The following TTC3 variants were observed in gnomAD, a reference collection of about 807,000 sequenced individuals.
The protein encoded by TTC3 is E3 ubiquitin-protein ligase TTC3.
TTC3 carries 180 observed loss-of-function variants against 249.6 expected under a neutral mutation model. The ratio of observed to expected loss-of-function variants is 0.72; its 90% CI spans 0.64 to 0.82. TTC3 has a LOEUF of 0.82. TTC3 is among the 40% of genes least tolerant of loss of function. The probability of loss-of-function intolerance (pLI) is 0.00; values close to 1 mark genes in which losing one functional copy is unlikely to be tolerated. For missense variants in TTC3, 2,061 were observed against 2,398.4 expected (o/e 0.86, Z 2.94); for synonymous variants, 717 against 805.0 (o/e 0.89, Z 1.85).
At chr21:37,194,660 T>TA (rs2084646098) in intron 41 of TTC3, 1 of 152,154 alleles carries the variant, frequency 6.6e-6, no homozygotes, top group Non-Finnish European at 1.5e-5. Context: ...TCAGAACAAA[T>TA]CTACCCATGA....
intron 5 of TTC3, among the ~76,000 whole-genome samples, chr21:37,089,829 C>T (rs2073008259): frequency 6.6e-6 from 1 of 151,946 alleles, no homozygotes; most frequent in Admixed American, 6.6e-5. Context: ...ACTAAAAATA[C>T]AAAAATTAGC....
chr21:37,108,417 G>A, exon 11 of TTC3: 3 of 1,612,068 alleles, frequency 1.9e-6, no homozygotes, highest in South Asian at 1.1e-5. Context: ...TGGAAAGAGA[G>A]CCACTATTCT....
chr21:37,087,036 G>A (rs934964776), intron 1 of TTC3: 7 of 550,120 alleles, frequency 1.3e-5, no homozygotes, highest in Admixed American at 3.4e-5. Flanking sequence ...TGAACCTGAG[G>A]AAAGGAAGAA....
intron 39 of TTC3, among the ~76,000 whole-genome samples, chr21:37,188,978 G>C (rs1157918457): frequency 6.6e-6 from 1 of 152,182 alleles, no homozygotes; most frequent in South Asian, 2.1e-4. Context: ...TGCTGTGCTG[G>C]AACAGTGGAG....
At chr21:37,090,107 G>A in intron 5 of TTC3, 126 bp from the exon 6 acceptor site, 1 of 581,788 alleles carries the variant, frequency 1.7e-6, no homozygotes, top group Non-Finnish European at 2.9e-6. Flanking sequence ...TCATGTAAAT[G>A]CTTGTCGGAA....
chr21:37,119,802 A>C (rs1391049023), intron 11 of TTC3, among the ~76,000 whole-genome samples: 1 of 152,062 alleles, frequency 6.6e-6, no homozygotes, highest in Admixed American at 6.5e-5. Flanking sequence ...AGTCCTTATT[A>C]CTTCATTTTG....
intron 1 of TTC3, among the ~76,000 whole-genome samples, chr21:37,073,850 G>A (rs1569305543): frequency 6.6e-6 from 1 of 152,216 alleles, no homozygotes; most frequent in South Asian, 2.1e-4. Context: ...TGTGGGCTGC[G>A]CGTCCCCTAG....
intron 1 of TTC3, chr21:37,084,152 C>T (rs2072081875): frequency 6.6e-6 from 1 of 151,902 alleles, no homozygotes; most frequent in African/African-American, 2.4e-5. Flanking sequence ...TAAATTCACC[C>T]AAGGAGAGAG....
At chr21:37,082,726 A>T (rs201582558) in intron 1 of TTC3, 10,793 of 984,150 alleles carry the variant, frequency 0.011, 74 homozygotes, top group East Asian at 0.028. Flanking sequence ...TTTTTTTTTT[A>T]ATCTAGGATA....
chr21:37,094,639 A>G (rs561909790), intron 8 of TTC3, among the ~76,000 whole-genome samples: 52 of 152,316 alleles, frequency 3.4e-4, no homozygotes, highest in Admixed American at 5.9e-4. Context: ...GGCTTTTTGA[A>G]TAACATCACA....
At chr21:37,165,614 G>C (rs1473866680) in exon 33 of TTC3, 1 of 1,614,104 alleles carries the variant, frequency 6.2e-7, no homozygotes, top group East Asian at 2.2e-5. Context: ...GTTCTCTGCA[G>C]AATATGAGTT....
Position 37,109,748 on chromosome 21 carries a change from C to T in TTC3, c.900+1302C>T, listed in dbSNP as rs1053064059. Reference sequence around the variant, plus strand: ...CAGCACGCAGCTTGAGATCTGAGAACGGGCAGATTGCCTCCTCAAGTGGGT... The same window carrying T: ...CAGCACGCAGCTTGAGATCTGAGAATGGGCAGATTGCCTCCTCAAGTGGGT... On this transcript the variant is annotated intron_variant, in intron 11 of 45. Coordinates refer to ENST00000355666, the Ensembl canonical transcript of TTC3. Among the ~76,000 whole-genome samples, 91 of 152,320 alleles carry T rather than the reference C, an allele frequency of 6.0e-4. 1 individual carries two copies. Among genetic ancestry groups the T allele is most frequent in the African/African-American group, 1.7e-3 (71 of 41,562 alleles).
chr21:37,095,135 A>ATGTG (rs201291680), intron 8 of TTC3, among the ~76,000 whole-genome samples: 53 of 76,756 alleles, frequency 6.9e-4, no homozygotes, highest in Admixed American at 3.6e-3. Flanking sequence ...GTCTCTAAAA[A>ATGTG]TATGTGTGTG....
chr21:37,191,245 C>A, intron 39 of TTC3, 89 bp from the exon 40 acceptor site: 1 of 857,466 alleles, frequency 1.2e-6, no homozygotes, highest in Non-Finnish European at 1.8e-6. Context: ...TGTTAAATGT[C>A]TCTTTTGCTC....
rs962380131 is a variant in TTC3, at chr21:37,135,373, T to G, written c.1444-7T>G. On this transcript the variant is annotated splice_polypyrimidine_tract_variant and splice_region_variant and intron_variant, in intron 17 of 45. Transcript: ENST00000355666. ...CAGGTTACTGAAATAGAATTTCTTT[T>G]TTCCAGGATTTTGCTAATATAATGA... The G allele has an allele frequency of 1.2e-6, 2 of 1,600,518 alleles. No individual in the cohort carries two copies. The highest frequency in any genetic ancestry group is 1.7e-6 in the Non-Finnish European group (2 of 1,172,980).
At chr21:37,108,350 A>G (rs1347204791) in intron 10 of TTC3, 42 bp from the exon 11 acceptor site, 8 of 1,551,982 alleles carry the variant, frequency 5.2e-6, no homozygotes, top group Non-Finnish European at 7.0e-6. Context: ...TACTTTTACT[A>G]TAAAAGAGTG....
At chr21:37,111,046 T>C (rs1479929516) in intron 11 of TTC3, among the ~76,000 whole-genome samples, 1 of 152,118 alleles carries the variant, frequency 6.6e-6, no homozygotes, top group East Asian at 1.9e-4. Context: ...CAAGAGCTCC[T>C]GAAGGAAGCA....
intron 36 of TTC3, among the ~76,000 whole-genome samples, chr21:37,184,970 A>G (rs1312064239): frequency 6.6e-6 from 1 of 152,236 alleles, no homozygotes; most frequent in Admixed American, 6.5e-5. Flanking sequence ...TGATTGGTAC[A>G]GTGACACAAA....
In TTC3 at chr21:37,196,039, A is replaced by G. The variant is rs1226765740; in HGVS notation, c.5579+3A>G. ...GTGGTATTCCCATGTTACAACAGGTATGAACAGAAAATGTCTGTGACTGTG... is the reference window on the plus strand; with the variant it reads ...GTGGTATTCCCATGTTACAACAGGTGTGAACAGAAAATGTCTGTGACTGTG... On this transcript the variant is annotated splice_donor_region_variant and intron_variant, in intron 42 of 45. Transcript: ENST00000355666. The G allele has an allele frequency of 6.2e-7, 1 of 1,613,826 alleles. No homozygotes were observed. Among genetic ancestry groups the G allele is most frequent in the East Asian group, 2.2e-5 (1 of 44,890 alleles).
Sources: allele counts gnomAD v4.1 joint callset (sites outside exome capture counted in the v4.1 genomes callset), GRCh38; gene constraint gnomAD v4.1.1; transcripts MANE v1.5; gene names NCBI Gene and HGNC (gene_info 2026-07-23, HGNC 2026-07-21).